Variants in ADGRB3 observed in about 807,000 individuals in gnomAD.
The protein encoded by ADGRB3 is adhesion G protein-coupled receptor B3.
ADGRB3 carries 37 observed loss-of-function variants against 193.4 expected under a neutral mutation model. The ratio of observed to expected loss-of-function variants is 0.19; its 90% CI spans 0.15 to 0.25. The LOEUF is 0.25. ADGRB3 is among the 10% of genes least tolerant of loss of function. ADGRB3 has a pLI of 1.00. For synonymous variants in ADGRB3, 690 were observed against 644.2 expected (o/e 1.07, Z -1.08); for missense variants, 1,637 against 1,852.9 (o/e 0.88, Z 2.14).
intron 3 of ADGRB3, among the ~76,000 whole-genome samples, chr6:68,914,697 C>A (rs561821413): frequency 6.6e-6 from 1 of 152,112 alleles, no homozygotes; most frequent in African/African-American, 2.4e-5. Flanking sequence ...TATTTATGTT[C>A]CATAAAAGAA....
chr6:68,706,987 T>G (rs1765335486), intron 3 of ADGRB3, among the ~76,000 whole-genome samples: 1 of 151,784 alleles, frequency 6.6e-6, no homozygotes, highest in African/African-American at 2.4e-5. Context: ...GGCGGGTACC[T>G]GTAGACCAAG....
At chr6:68,849,788 A>G (rs558917607) in intron 3 of ADGRB3, among the ~76,000 whole-genome samples, 5 of 152,074 alleles carry the variant, frequency 3.3e-5, no homozygotes, top group South Asian at 4.1e-4. Flanking sequence ...GATGGAAATA[A>G]TTTATAATAG....
At chr6:69,084,795 A>G (rs141949431) in intron 17 of ADGRB3, among the ~76,000 whole-genome samples, 73 of 152,294 alleles carry the variant, frequency 4.8e-4, no homozygotes, top group African/African-American at 1.6e-3. Context: ...TGGGCATAAT[A>G]TTGCCTATGG....
intron 26 of ADGRB3, 109 bp from the exon 27 acceptor site, chr6:69,354,124 A>G (rs763947783): frequency 2.8e-6 from 2 of 722,916 alleles, no homozygotes; most frequent in Non-Finnish European, 4.9e-6. Flanking sequence ...AAATCAGTAT[A>G]AGATAGTAAA....
chr6:69,374,759 T>C (rs958837156), intron 30 of ADGRB3, among the ~76,000 whole-genome samples: 2 of 152,076 alleles, frequency 1.3e-5, no homozygotes, highest in Non-Finnish European at 2.9e-5. Context: ...CCAGAGATCC[T>C]AGTACCTAGT....
At chr6:68,956,962 C>T (rs956299837) in intron 8 of ADGRB3, among the ~76,000 whole-genome samples, 153 bp downstream of exon 8, 3 of 152,174 alleles carry the variant, frequency 2.0e-5, no homozygotes, top group Non-Finnish European at 2.9e-5. Flanking sequence ...CTATGTGGGG[C>T]ATCCCCTGTT....
At chr6:68,670,464 CTAGTGTTGTTG>C (rs1768924433) in intron 3 of ADGRB3, among the ~76,000 whole-genome samples, 1 of 151,870 alleles carries the variant, frequency 6.6e-6, no homozygotes, top group Non-Finnish European at 1.5e-5. Flanking sequence ...AGACAGGGAT[CTAGTGTTGTTG>C]TTCTGCATAT....
At chr6:69,175,107 A>C (rs1409584740) in intron 17 of ADGRB3, among the ~76,000 whole-genome samples, 1 of 151,934 alleles carries the variant, frequency 6.6e-6, no homozygotes, top group Non-Finnish European at 1.5e-5. Flanking sequence ...AAGCTCTTTA[A>C]TTTAATTAGA....
In ADGRB3 at chr6:69,032,162, C is replaced by A. The variant is rs147924793; in HGVS notation, c.2107+13663C>A. On this transcript the variant is annotated intron_variant, in intron 13 of 31. Transcript: ENST00000370598. ...AGTGGCTTTCTATTTCCCTGGAGAC[C>A]TTGTATATGAAAGATCTTGGAATTA... 4.2e-3 allele frequency among the ~76,000 whole-genome samples: 635 copies of A among 152,136 alleles called. 9 individuals carry two copies. The highest frequency in any genetic ancestry group is 0.015 in the African/African-American group (602 of 41,498).
chr6:69,319,070 C>G (rs1286068324), intron 20 of ADGRB3, among the ~76,000 whole-genome samples: 1 of 150,714 alleles, frequency 6.6e-6, no homozygotes, highest in Non-Finnish European at 1.5e-5. Context: ...AAATCTATTC[C>G]TCTTGATTTC....
At position 68,862,137 on chromosome 6, in the gene ADGRB3, C is replaced by T. The variant is rs537357248; in HGVS notation, c.758-68422C>T. 2.8e-5 allele frequency among the ~76,000 whole-genome samples: 4 copies of T among 144,312 alleles called. No individual in the cohort carries two copies. In the East Asian group the frequency reaches 8.9e-4, roughly 32 times the overall value. The allele number at this position is 144,312 out of a possible 152,430, so 94.7% of individuals were successfully genotyped here. On this transcript the variant is annotated intron_variant, in intron 3 of 31. Transcript: ENST00000370598. ...TGTTTAAAGAGGAGGAGGGACCCCC[C>T]CCCCCACCCCAATTCAGCAATGCTT... is the stretch of plus-strand genomic sequence containing the variant.
At chr6:68,763,183 CA>C (rs1766445201) in intron 3 of ADGRB3, among the ~76,000 whole-genome samples, 1 of 101,930 alleles carries the variant, frequency 9.8e-6, no homozygotes, top group Admixed American at 1.1e-4. Context: ...CTCTGCCTCA[CA>C]GGGTCAAGCG....
chr6:69,125,475 G>C (rs1582480163), intron 17 of ADGRB3, among the ~76,000 whole-genome samples: 1 of 152,214 alleles, frequency 6.6e-6, no homozygotes, highest in Admixed American at 6.5e-5. Flanking sequence ...TTATAAAAGA[G>C]ACACCACAGA....
chr6:69,296,129 C>G (rs1175271309), intron 20 of ADGRB3, among the ~76,000 whole-genome samples: 2 of 152,118 alleles, frequency 1.3e-5, no homozygotes, highest in Non-Finnish European at 2.9e-5. Flanking sequence ...CAGTGACTCT[C>G]ATCAAACATG....
chr6:68,976,880 A>G (rs745923652), intron 10 of ADGRB3, among the ~76,000 whole-genome samples: 5 of 152,018 alleles, frequency 3.3e-5, no homozygotes, highest in Middle Eastern at 6.9e-3. Context: ...TATAGCAGTA[A>G]TTGATGATTA....
chr6:68,894,349 G>A (rs1023300963), intron 3 of ADGRB3, among the ~76,000 whole-genome samples: 36 of 151,962 alleles, frequency 2.4e-4, no homozygotes, highest in Non-Finnish European at 5.0e-4. Context: ...ACTGTGTAAA[G>A]TTCTGCTGGT....
In ADGRB3 at chr6:69,240,991, C is replaced by A. The variant is rs146724010; in HGVS notation, c.2814+1765C>A. ...TTCACAAAACATTCTTCCTTTTCTG[C>A]CATTTTTTACTCTCCAAACACTCTT... On this transcript the variant is annotated intron_variant, in intron 20 of 31. Coordinates refer to ENST00000370598, the MANE Select transcript of ADGRB3 (RefSeq NM_001704.3). Among the ~76,000 whole-genome samples, 812 of 151,986 alleles carry A rather than the reference C, an allele frequency of 5.3e-3. 3 individuals are homozygous for A. Among genetic ancestry groups the A allele is most frequent in the Middle Eastern group, 0.01 (3 of 294 alleles).
chr6:68,949,268 CTG>C (rs953227635), intron 6 of ADGRB3, among the ~76,000 whole-genome samples: 14 of 152,110 alleles, frequency 9.2e-5, no homozygotes, highest in African/African-American at 3.4e-4. Context: ...CTGTGTCAGT[CTG>C]TTGAGCTGAG....
At chr6:69,225,163 ACT>A (rs1248835363) in intron 17 of ADGRB3, among the ~76,000 whole-genome samples, 1 of 151,778 alleles carries the variant, frequency 6.6e-6, no homozygotes, top group African/African-American at 2.4e-5. Context: ...TTGTTGATAA[ACT>A]CTTTGATATC....
Sources: gnomAD v4.1 joint callset for allele counts (sites outside exome capture counted in the v4.1 genomes callset) on GRCh38, gnomAD v4.1.1 for gene constraint, MANE v1.5 for transcripts, NCBI Gene and HGNC (gene_info 2026-07-23, HGNC 2026-07-21) for gene names.